The following MYO18B variants were observed in gnomAD, a reference collection of about 807,000 sequenced individuals.
MYO18B encodes the protein myosin XVIIIB, also known as unconventional myosin-XVIIIb.
A neutral mutation model predicts 273.0 loss-of-function variants in MYO18B; 204 were observed. The ratio of observed to expected loss-of-function variants is 0.75; its 90% CI spans 0.67 to 0.84. The LOEUF is 0.84. Ranked by LOEUF, MYO18B falls within the 40% of genes least tolerant of loss-of-function variation. The pLI, the probability that MYO18B is intolerant of heterozygous loss-of-function variation, is 0.00. For synonymous variants in MYO18B, 1,330 were observed against 1,305.7 expected, an observed-to-expected ratio of 1.02 and a Z score of -0.40; for missense variants, 3,212 against 3,287.6, an observed-to-expected ratio of 0.98 and a Z score of 0.56.
rs2091422057 is a variant in MYO18B at position 25,883,973 on chromosome 22, G to A, written c.4314+5925G>A. ...GCCTTCTTGTTGGAAGCACCTGTAA[G>A]GTTTTGGGACCACATGGGATATAAA... On this transcript the variant is annotated intron_variant, in intron 25 of 43. Transcript: ENST00000335473. The surrounding 1 kb of genome is among the most constrained non-coding windows in gnomAD (Gnocchi z 7.6). Among the ~76,000 whole-genome samples the A allele has an allele frequency of 6.6e-6, 1 of 152,082 alleles. No individual in the cohort carries two copies. Among genetic ancestry groups the A allele is most frequent in the African/African-American group, 2.4e-5 (1 of 41,390 alleles).
At chr22:25,901,071 T>G (rs1346007841) in intron 29 of MYO18B, 1 of 152,198 alleles carries the variant, frequency 6.6e-6, no homozygotes, top group Non-Finnish European at 1.5e-5. Flanking sequence ...TCACAATGCT[T>G]CCATTCAGAG....
Position 25,761,055 on chromosome 22 carries a change from C to G in MYO18B, c.-38C>G, listed in dbSNP as rs373627926. On this transcript the variant is annotated 5_prime_UTR_variant, in exon 2 of 44. The change creates a new upstream start codon in the 5' untranslated region. Coordinates refer to ENST00000335473, the MANE Select transcript of MYO18B (RefSeq NM_032608.7). ...CGTGCTGTCTGGCAGGAAGCTCCAT[C>G]TCATCTCATCATCTCACGGCCCTGG... 6.2e-7 allele frequency: 1 copy of G among 1,610,902 alleles called. No homozygotes were observed. Among genetic ancestry groups the G allele is most frequent in the Non-Finnish European group, 8.5e-7 (1 of 1,178,874 alleles).
intron 25 of MYO18B, among the ~76,000 whole-genome samples, chr22:25,879,782 G>A (rs1054990466): frequency 5.3e-5 from 8 of 152,212 alleles, no homozygotes; most frequent in Admixed American, 3.3e-4. Context: ...GGCTGTACAG[G>A]AAGCATGGCT....
chr22:25,937,867 G>A (rs2092599697), intron 34 of MYO18B, among the ~76,000 whole-genome samples: 1 of 152,150 alleles, frequency 6.6e-6, no homozygotes, highest in Non-Finnish European at 1.5e-5. Context: ...TTACAGGTGT[G>A]AGCCACCGCT....
chr22:25,979,590 G>A (rs565061613), intron 39 of MYO18B, among the ~76,000 whole-genome samples: 15 of 152,224 alleles, frequency 9.9e-5, no homozygotes, highest in African/African-American at 3.4e-4. Flanking sequence ...GTCCCATGAT[G>A]GCTATTCTTT....
chr22:26,018,597 CCAT>C (rs1206313734), intron 42 of MYO18B, among the ~76,000 whole-genome samples: 1 of 152,120 alleles, frequency 6.6e-6, no homozygotes, highest in Non-Finnish European at 1.5e-5. Context: ...CTTTCTTGAG[CCAT>C]CGCCGCCATT....
chr22:25,896,221 C>T (rs1272571278), intron 28 of MYO18B: 3 of 152,154 alleles, frequency 2.0e-5, no homozygotes, highest in African/African-American at 7.2e-5. Context: ...AAAATTCTTA[C>T]GAGAGTACTT....
At chr22:25,760,561 C>T (rs1443696008) in intron 1 of MYO18B, among the ~76,000 whole-genome samples, 1 of 152,056 alleles carries the variant, frequency 6.6e-6, no homozygotes, top group East Asian at 1.9e-4. Context: ...CAGAAGGTTC[C>T]CTCATGCTTC....
At chr22:25,790,643 G>A (rs4822656) in intron 11 of MYO18B, among the ~76,000 whole-genome samples, 13 of 152,362 alleles carry the variant, frequency 8.5e-5, no homozygotes, top group African/African-American at 3.1e-4. Context: ...ATAAATGAAC[G>A]AGCATGCCCA....
Position 25,921,702 on chromosome 22 carries a change from T to G in MYO18B, c.5517+293T>G, listed in dbSNP as rs554243393. 1.7e-3 allele frequency among the ~76,000 whole-genome samples: 254 copies of G among 145,702 alleles called. 1 individual carries two copies. Among genetic ancestry groups the G allele is most frequent in the African/African-American group, 6.3e-3 (246 of 39,132 alleles). Reference sequence around the variant, plus strand: ...AGAATGGCTGAGTGCAGTGTGCCTGTTGTGTGTGTGTGTGTGTGTGTGTGT... The same window carrying G: ...AGAATGGCTGAGTGCAGTGTGCCTGGTGTGTGTGTGTGTGTGTGTGTGTGT... On this transcript the variant is annotated intron_variant, in intron 34 of 43. Coordinates refer to ENST00000335473, the MANE Select transcript of MYO18B (RefSeq NM_032608.7).
chr22:25,755,213 A>AT (rs133868), intron 1 of MYO18B, among the ~76,000 whole-genome samples: 360 of 148,406 alleles, frequency 2.4e-3, no homozygotes, highest in African/African-American at 6.8e-3. Context: ...ATTTTATTTT[A>AT]TTTTTTTTTT....
chr22:25,953,802 A>G (rs950017696), intron 38 of MYO18B, among the ~76,000 whole-genome samples: 7 of 152,176 alleles, frequency 4.6e-5, no homozygotes, highest in African/African-American at 1.4e-4. Flanking sequence ...TCTATCTCCA[A>G]ATTCAATTTT....
At chr22:25,803,240 G>A (rs533229047) in intron 12 of MYO18B, among the ~76,000 whole-genome samples, 2 of 152,168 alleles carry the variant, frequency 1.3e-5, no homozygotes. Context: ...TGGGATTACA[G>A]GCGTGAGCCA....
chr22:25,885,333 G>A (rs1408809306), intron 25 of MYO18B, among the ~76,000 whole-genome samples: 2 of 152,144 alleles, frequency 1.3e-5, no homozygotes, highest in East Asian at 3.9e-4. Context: ...TTGAACCCAG[G>A]GCTGGTCAAC....
chr22:25,823,820 C>CA, intron 13 of MYO18B, 142 bp downstream of exon 13: 1 of 873,606 alleles, frequency 1.1e-6, no homozygotes. Context: ...CAGGGGAAGC[C>CA]ATCGTGGGTG....
chr22:26,043,795 G>A, the MYO18B span, among the ~76,000 whole-genome samples: 6 of 152,162 alleles, frequency 3.9e-5, no homozygotes, highest in African/African-American at 1.2e-4. Context: ...GGAATTAGAG[G>A]CATAAGCCAC....
At chr22:25,844,798 C>T (rs1355854754) in intron 18 of MYO18B, among the ~76,000 whole-genome samples, 2 of 152,188 alleles carry the variant, frequency 1.3e-5, no homozygotes, top group African/African-American at 4.8e-5. Context: ...AGATTCAGGC[C>T]AGGGCTGGGG....
chr22:25,871,890 A>G (rs1038300463), intron 22 of MYO18B, among the ~76,000 whole-genome samples: 12 of 152,208 alleles, frequency 7.9e-5, no homozygotes, highest in Non-Finnish European at 1.5e-4. Flanking sequence ...TATCTTTTTA[A>G]TGAAAGCTTC....
the MYO18B span, among the ~76,000 whole-genome samples, chr22:26,049,079 C>G: frequency 2.0e-5 from 3 of 152,096 alleles, no homozygotes; most frequent in African/African-American, 7.2e-5. Flanking sequence ...TTAAAAACCT[C>G]TAAAATCTGA....
Sources: gnomAD v4.1 joint callset for allele counts (sites outside exome capture counted in the v4.1 genomes callset) on GRCh38, gnomAD v4.1.1 for gene constraint, Gnocchi (gnomAD v3.1) non-coding constraint, MANE v1.5 for transcripts, NCBI Gene and HGNC (gene_info 2026-07-23, HGNC 2026-07-21) for gene names.